Variants in XXYLT1 observed in about 807,000 individuals in gnomAD.
XXYLT1 encodes the protein UDP-xylose:alpha-xyloside alpha-1,3-xylosyltransferase.
A neutral mutation model predicts 28.9 loss-of-function variants in XXYLT1; 20 were observed. The observed-to-expected ratio is 0.69, with a 90% CI of 0.49 to 1.00. The LOEUF (loss-of-function observed/expected upper bound fraction) is 1.00. XXYLT1 is among the 50% of genes least tolerant of loss of function. The probability of loss-of-function intolerance (pLI) is 0.00; values close to 1 mark genes in which losing one functional copy is unlikely to be tolerated. For synonymous variants in XXYLT1, 257 were observed against 253.8 expected (o/e 1.01, Z -0.12); for missense variants, 542 against 560.1 (o/e 0.97, Z 0.33).
At chr3:195,097,521 G>C (rs1282489540) in intron 3 of XXYLT1, among the ~76,000 whole-genome samples, 1 of 152,154 alleles carries the variant, frequency 6.6e-6, no homozygotes, top group Admixed American at 6.5e-5. Context: ...TTATGAGGTT[G>C]TTATTATCAT....
intron 3 of XXYLT1, among the ~76,000 whole-genome samples, chr3:195,128,975 C>G (rs900351372): frequency 6.6e-6 from 1 of 152,100 alleles, no homozygotes; most frequent in African/African-American, 2.4e-5. Context: ...CATCCCCATG[C>G]GAGACGAGTC....
intron 2 of XXYLT1, chr3:195,175,874 G>T: frequency 7.1e-7 from 1 of 1,412,208 alleles, no homozygotes; most frequent in South Asian, 1.6e-5. Flanking sequence ...AATGCATCCA[G>T]TGTGACATTT....
At chr3:195,189,693 C>A (rs1358810160) in intron 2 of XXYLT1, among the ~76,000 whole-genome samples, 1 of 151,926 alleles carries the variant, frequency 6.6e-6, no homozygotes, top group Non-Finnish European at 1.5e-5. Flanking sequence ...AAAAATGAAC[C>A]AAGACACCTG....
intron 3 of XXYLT1, among the ~76,000 whole-genome samples, chr3:195,112,399 C>T (rs531077519): frequency 6.0e-5 from 9 of 151,008 alleles, no homozygotes; most frequent in East Asian, 3.9e-4. Context: ...AAGGACTGCA[C>T]GTGCGCACGT....
At chr3:195,175,891 G>T in intron 2 of XXYLT1, 1 of 1,396,002 alleles carries the variant, frequency 7.2e-7, no homozygotes, top group Non-Finnish European at 9.3e-7. Context: ...ATTTGTGTGG[G>T]AAAGAAAAAA....
At chr3:195,141,579 T>C (rs985194717) in intron 3 of XXYLT1, among the ~76,000 whole-genome samples, 1 of 152,168 alleles carries the variant, frequency 6.6e-6, no homozygotes, top group Non-Finnish European at 1.5e-5. Flanking sequence ...CTCTCTCAGG[T>C]GGCAAGTTTA....
At chr3:195,244,073 T>G (rs1008476104) in intron 1 of XXYLT1, among the ~76,000 whole-genome samples, 1 of 152,202 alleles carries the variant, frequency 6.6e-6, no homozygotes, top group Non-Finnish European at 1.5e-5. Context: ...ACCTCGTGCT[T>G]ACTGAACCAT....
intron 3 of XXYLT1, among the ~76,000 whole-genome samples, chr3:195,104,211 G>A (rs1418769712): frequency 8.8e-5 from 3 of 34,126 alleles, no homozygotes; most frequent in Non-Finnish European, 1.7e-4. Context: ...GTGTGTGTGT[G>A]TGTGTGTGTG....
At chr3:195,149,540 C>A (rs1245215009) in intron 3 of XXYLT1, among the ~76,000 whole-genome samples, 1 of 152,194 alleles carries the variant, frequency 6.6e-6, no homozygotes, top group Non-Finnish European at 1.5e-5. Flanking sequence ...AAGTGGAAGC[C>A]AGGCTCAGTG....
At position 195,144,043 on chromosome 3, in the gene XXYLT1, G is replaced by A. The variant is rs1466607145; in HGVS notation, c.785+12406C>T. ...CAAGTAGCTGGGATTACAGGCACCC[G>A]CCACCACGCCCAGCTGATTTTTGTA... On this transcript the variant is annotated intron_variant, in intron 3 of 3. Transcript: ENST00000310380. Among the ~76,000 whole-genome samples the A allele has an allele frequency of 8.7e-5, 13 of 148,858 alleles. 3 individuals are homozygous for A. The East Asian group carries it at 1.5e-3, about 17-fold the overall frequency.
rs1050095913 is a variant in XXYLT1 at position 195,089,628 on chromosome 3, C to G, written c.786-19517G>C. ...AAGAAACTGCATCAACTAACGAGCA[C>G]AATAACCAGCTAGCATCATAATGAC... On this transcript the variant is annotated intron_variant, in intron 3 of 3. Coordinates refer to ENST00000310380, the MANE Select transcript of XXYLT1 (RefSeq NM_152531.5). Among the ~76,000 whole-genome samples the G allele has an allele frequency of 8.7e-4, 133 of 152,072 alleles. 3 individuals carry two copies. In the South Asian group the frequency reaches 0.019, roughly 22 times the overall value.
intron 3 of XXYLT1, among the ~76,000 whole-genome samples, chr3:195,126,114 G>A (rs1206299592): frequency 1.3e-5 from 2 of 148,696 alleles, no homozygotes; most frequent in Admixed American, 6.7e-5. Context: ...CTGCAGACCC[G>A]CCTTGGGCAA....
rs1297757826 is a variant in XXYLT1 at position 195,185,082 on chromosome 3, GGAA to G, written c.653-28504_653-28502del. 5.1e-5 allele frequency among the ~76,000 whole-genome samples: 5 copies of G among 97,314 alleles called. No individual in the cohort carries two copies. In the East Asian group the frequency reaches 9.8e-4, roughly 19 times the overall value. 63.8% of individuals were successfully genotyped at this position (97,314 alleles called of 152,430 possible). On this transcript the variant is annotated intron_variant, in intron 2 of 3. Coordinates refer to ENST00000310380, the MANE Select transcript of XXYLT1 (RefSeq NM_152531.5). ...ATTAAAGAAAAAAGGAAGGAAAGAA[GGAA>G]GAAGGAAGGAAGGAAGGAAGGAAGG...
At chr3:195,137,775 C>T (rs1479021779) in intron 3 of XXYLT1, among the ~76,000 whole-genome samples, 10 of 152,230 alleles carry the variant, frequency 6.6e-5, no homozygotes, top group Admixed American at 1.3e-4. Flanking sequence ...GTGTACATGA[C>T]ATCATTGTAT....
At position 195,076,441 on chromosome 3, in the gene XXYLT1, G is replaced by A. The variant is rs1159285173; in HGVS notation, c.786-6330C>T. ...GCCTTCGGTGGGAGGAGGGACAGTCGTGACAGGGCACTGGGGTGGCTACTA... is the reference window on the plus strand; with the variant it reads ...GCCTTCGGTGGGAGGAGGGACAGTCATGACAGGGCACTGGGGTGGCTACTA... On this transcript the variant is annotated intron_variant, in intron 3 of 3. Coordinates refer to ENST00000310380, the MANE Select transcript of XXYLT1 (RefSeq NM_152531.5). The surrounding 1 kb of genome is among the most constrained non-coding windows in gnomAD (Gnocchi z 5.3). 6.6e-6 allele frequency among the ~76,000 whole-genome samples: 1 copy of A among 152,002 alleles called. No individual in the cohort carries two copies. The highest frequency in any genetic ancestry group is 1.5e-5 in the Non-Finnish European group (1 of 68,004).
intron 1 of XXYLT1, among the ~76,000 whole-genome samples, chr3:195,253,576 G>A (rs769932268): frequency 7.2e-6 from 1 of 138,866 alleles, no homozygotes; most frequent in Non-Finnish European, 1.5e-5. Flanking sequence ...TTGGTTCACT[G>A]CAACCTCCGC....
Position 195,077,192 on chromosome 3 carries a change from G to A in XXYLT1, c.786-7081C>T, listed in dbSNP as rs116833683. On this transcript the variant is annotated intron_variant, in intron 3 of 3. Transcript: ENST00000310380. The surrounding 1 kb of genome is among the most constrained non-coding windows in gnomAD (Gnocchi z 4.8). ...AGCCTCTGTCCAGGGAAAGGCAGGT[G>A]TCAGTGGCTGGGGAAGGGAAAAGCA... Among the ~76,000 whole-genome samples, 3,098 of 152,298 alleles carry A rather than the reference G, an allele frequency of 0.02. 57 individuals carry two copies. The highest frequency in any genetic ancestry group is 0.052 in the East Asian group (269 of 5,186).
intron 2 of XXYLT1, among the ~76,000 whole-genome samples, chr3:195,213,150 T>C (rs753414962): frequency 2.6e-5 from 4 of 152,178 alleles, no homozygotes; most frequent in Non-Finnish European, 5.9e-5. Context: ...GGCTGGCTGA[T>C]ATGAGGTAGC....
intron 1 of XXYLT1, among the ~76,000 whole-genome samples, chr3:195,249,732 G>A (rs1041099936): frequency 2.0e-5 from 3 of 152,202 alleles, no homozygotes; most frequent in African/African-American, 7.2e-5. Context: ...AGCTCCCACT[G>A]AGCCTGCTCA....
Sources: gnomAD v4.1 joint callset for allele counts (sites outside exome capture counted in the v4.1 genomes callset) on GRCh38, gnomAD v4.1.1 for gene constraint, Gnocchi (gnomAD v3.1) non-coding constraint, MANE v1.5 for transcripts, NCBI Gene and HGNC (gene_info 2026-07-23, HGNC 2026-07-21) for gene names.